WWOX: variants seen among roughly 807,000 people sequenced by gnomAD.
WWOX encodes WW domain containing oxidoreductase.
WWOX carries 69 observed loss-of-function variants against 46.2 expected under a neutral mutation model. That is an observed-to-expected ratio of 1.49 (90% CI 1.23 to 1.82). The LOEUF (loss-of-function observed/expected upper bound fraction) is 1.82, where lower values mean the gene tolerates loss of function less well. Among genes scored for constraint, WWOX ranks in the 40% most tolerant of loss-of-function variants. The probability of loss-of-function intolerance (pLI) is 0.00; values close to 1 mark genes in which losing one functional copy is unlikely to be tolerated. For synonymous variants in WWOX, 359 were observed against 202.6 expected, an observed-to-expected ratio of 1.77 and a Z score of -6.56; for missense variants, 919 against 542.6, an observed-to-expected ratio of 1.69 and a Z score of -6.89.
At chr16:78,561,161 C>T (rs1540758) in intron 8 of WWOX, among the ~76,000 whole-genome samples, 4,441 of 152,220 alleles carry the variant, frequency 0.029, 78 homozygotes, top group Middle Eastern at 0.071. Context: ...CTGCCCTCAG[C>T]TCCCAGAGGC....
At chr16:78,912,015 C>T (rs138637132) in intron 8 of WWOX, among the ~76,000 whole-genome samples, 8 of 152,002 alleles carry the variant, frequency 5.3e-5, no homozygotes, top group Non-Finnish European at 4.4e-5. Context: ...ACACAGTAGT[C>T]CAGTATATTG....
intron 5 of WWOX, among the ~76,000 whole-genome samples, chr16:78,358,672 ATGTGTG>A (rs59222504): frequency 0.52 from 78,647 of 151,234 alleles, 22,050 homozygotes; most frequent in Non-Finnish European, 0.63. Context: ...AATAAATAAT[ATGTGTG>A]TGTGTGTGTG....
At chr16:78,569,094 C>G (rs2044649653) in intron 8 of WWOX, among the ~76,000 whole-genome samples, 2 of 152,160 alleles carry the variant, frequency 1.3e-5, no homozygotes, top group Admixed American at 6.5e-5. Context: ...GAGGAACACT[C>G]AGGTTTGCAA....
chr16:79,145,923 G>A (rs969792349), intron 8 of WWOX, among the ~76,000 whole-genome samples: 1 of 152,056 alleles, frequency 6.6e-6, no homozygotes, highest in African/African-American at 2.4e-5. Flanking sequence ...TTTATTGAAA[G>A]GAATTTTTTG....
chr16:78,374,910 T>C (rs1049687853), intron 5 of WWOX, among the ~76,000 whole-genome samples: 2 of 152,050 alleles, frequency 1.3e-5, no homozygotes, highest in Non-Finnish European at 2.9e-5. Flanking sequence ...GGTCTCAAAC[T>C]GTTGACCTTA....
At chr16:79,053,171 C>A (rs1368300980) in intron 8 of WWOX, among the ~76,000 whole-genome samples, 1 of 152,070 alleles carries the variant, frequency 6.6e-6, no homozygotes, top group East Asian at 1.9e-4. Flanking sequence ...AACTGGATTG[C>A]GTTTTCTATT....
chr16:78,781,514 C>A lies in WWOX; in HGVS notation c.1056+348762C>A, dbSNP rs556046049. Among the ~76,000 whole-genome samples the A allele has an allele frequency of 2.6e-5, 4 of 152,308 alleles. No homozygotes were observed. The East Asian group carries it at 5.8e-4, about 22-fold the overall frequency. On this transcript the variant is annotated intron_variant, in intron 8 of 8. Coordinates refer to ENST00000566780, the MANE Select transcript of WWOX (RefSeq NM_016373.4). ...GCATTACTAGGTATAGACATTATGA[C>A]CCTTTAATGGGCGATGGGTTAATAC...
intron 8 of WWOX, among the ~76,000 whole-genome samples, chr16:79,073,860 C>G (rs1414452514): frequency 1.3e-5 from 2 of 152,132 alleles, no homozygotes; most frequent in Non-Finnish European, 2.9e-5. Context: ...AAGCTTATGT[C>G]TGTTCCAGGT....
intron 8 of WWOX, among the ~76,000 whole-genome samples, chr16:79,138,130 C>A (rs911634250): frequency 2.0e-5 from 3 of 152,144 alleles, no homozygotes; most frequent in Non-Finnish European, 4.4e-5. Context: ...AAATAATTCC[C>A]CGAGAATACT....
chr16:78,823,501 C>A (rs2051561997), intron 8 of WWOX, among the ~76,000 whole-genome samples: 1 of 152,142 alleles, frequency 6.6e-6, no homozygotes, highest in African/African-American at 2.4e-5. Flanking sequence ...TGCTGCAAAA[C>A]GAGAGAGGTC....
chr16:78,340,884 T>C (rs1462666165), intron 5 of WWOX, among the ~76,000 whole-genome samples: 1 of 119,294 alleles, frequency 8.4e-6, no homozygotes, highest in African/African-American at 2.9e-5. Context: ...TTATGTTCTC[T>C]TCTGATAATA....
intron 8 of WWOX, among the ~76,000 whole-genome samples, chr16:79,127,582 C>T (rs911598196): frequency 7.2e-5 from 11 of 152,266 alleles, no homozygotes; most frequent in South Asian, 2.1e-4. Context: ...AACCTTGCAC[C>T]GACATCGCTT....
At chr16:78,905,727 A>G (rs1364425061) in intron 8 of WWOX, among the ~76,000 whole-genome samples, 2 of 152,214 alleles carry the variant, frequency 1.3e-5, no homozygotes, top group Non-Finnish European at 2.9e-5. Context: ...ACTCCCTTTT[A>G]TGATATGAGC....
At position 78,830,997 on chromosome 16, in the gene WWOX, G is replaced by T. The variant is rs146625446; in HGVS notation, c.1057-380611G>T. On this transcript the variant is annotated intron_variant, in intron 8 of 8. Transcript: ENST00000566780. ...CCATGTTCTTTTAAAGGGCACTAAT[G>T]ATGCAGCAGTAATCACAGTGCTAGT... Among the ~76,000 whole-genome samples the T allele has an allele frequency of 4.6e-5, 7 of 152,304 alleles. No homozygotes were observed. The East Asian group carries it at 1.4e-3, about 29-fold the overall frequency.
At chr16:78,617,090 C>G (rs75383483) in intron 8 of WWOX, among the ~76,000 whole-genome samples, 3,353 of 152,224 alleles carry the variant, frequency 0.022, 138 homozygotes, top group African/African-American at 0.077. Context: ...CTGTTCAACC[C>G]TCCACATCAA....
intron 8 of WWOX, among the ~76,000 whole-genome samples, chr16:78,538,075 G>T (rs1435863278): frequency 6.6e-6 from 1 of 152,028 alleles, no homozygotes; most frequent in African/African-American, 2.4e-5. Flanking sequence ...ATTTTGAGCG[G>T]CACAGAAGGG....
chr16:78,718,127 A>G (rs199714981), intron 8 of WWOX, among the ~76,000 whole-genome samples: 1 of 61,262 alleles, frequency 1.6e-5, no homozygotes, highest in East Asian at 3.8e-4. Context: ...TTATAGAGAA[A>G]GTATGGGCCA....
In WWOX at chr16:78,099,824, G is replaced by A. The variant is rs2031629913; in HGVS notation, c.46G>A (p.Asp16Asn). The change falls in exon 1 of 9, where the codon GAC becomes AAC. Residue 16 changes from aspartate (D) to asparagine (N), a missense_variant. Asp to Asn is a conservative substitution (Grantham distance 23, BLOSUM62 1). Transcript: ENST00000566780. ...GGGGCTGGACGACACGGACAGTGAG[G>A]ACGAGCTGCCTCCGGGCTGGGAGGA... ...YAGLDDTDSEDELPPGWEERT... is the reference protein window; with the variant it reads ...YAGLDDTDSENELPPGWEERT... 2 of 1,580,874 alleles carry A rather than the reference G, an allele frequency of 1.3e-6. No homozygotes were observed. Among genetic ancestry groups the A allele is most frequent in the South Asian group, 2.3e-5 (2 of 85,948 alleles).
At chr16:79,065,137 A>G (rs2048419321) in intron 8 of WWOX, among the ~76,000 whole-genome samples, 1 of 152,314 alleles carries the variant, frequency 6.6e-6, no homozygotes, top group South Asian at 2.1e-4. Context: ...GGGGAAATGC[A>G]GATAAACCGT....
Sources: gnomAD v4.1 joint callset for allele counts (sites outside exome capture counted in the v4.1 genomes callset) on GRCh38, gnomAD v4.1.1 for gene constraint, MANE v1.5 for transcripts, NCBI Gene and HGNC (gene_info 2026-07-23, HGNC 2026-07-21) for gene names.